GORASP1: variants seen among roughly 807,000 people sequenced by gnomAD.
The protein encoded by GORASP1 is Golgi reassembly-stacking protein 1.
Under a neutral mutation model 37.7 loss-of-function variants are expected in GORASP1, and 31 were observed. That is an observed-to-expected ratio of 0.82 (90% CI 0.62 to 1.11). The LOEUF (loss-of-function observed/expected upper bound fraction) is 1.11. GORASP1 is among the 50% of genes least tolerant of loss of function. The pLI is 0.00. For synonymous variants in GORASP1, 204 were observed against 224.8 expected (o/e 0.91, Z 0.83); for missense variants, 476 against 560.7 (o/e 0.85, Z 1.53).
intron 7 of GORASP1, 131 bp from the exon 8 acceptor site, chr3:39,099,024 C>G: frequency 1.7e-6 from 2 of 1,200,320 alleles, no homozygotes; most frequent in Non-Finnish European, 2.4e-6. Context: ...CCTGGTGATA[C>G]CCCTCACCCA....
In GORASP1 at chr3:39,102,333, G is replaced by A. The variant is rs938690392; in HGVS notation, c.348+345C>T. On this transcript the variant is annotated intron_variant, in intron 3 of 8. Transcript: ENST00000319283. This position sits in a 1 kb window ranked among gnomAD's most constrained non-coding sequence, Gnocchi z 5.0. ...AAACGTTGTCATGCAACACACACAC[G>A]GAGAGACACAGAGAATAATAAAAGC... is the stretch of plus-strand genomic sequence containing the variant. 7 of 411,704 alleles carry A rather than the reference G, an allele frequency of 1.7e-5. No homozygotes were observed. The highest frequency in any genetic ancestry group is 4.0e-5 in the African/African-American group (2 of 49,856). 25.5% of individuals were successfully genotyped at this position (411,704 alleles called of 1,614,324 possible).
At chr3:39,101,436 A>G in intron 3 of GORASP1, 3 of 519,322 alleles carry the variant, frequency 5.8e-6, no homozygotes, top group South Asian at 4.7e-5. Flanking sequence ...CACAATTAAA[A>G]GTAAGATACA....
Position 39,100,987 on chromosome 3 carries a change from TG to T in GORASP1, c.435+28del. On this transcript the variant is annotated intron_variant, in intron 4 of 8. Coordinates refer to ENST00000319283, the MANE Select transcript of GORASP1 (RefSeq NM_031899.4). This position sits in a 1 kb window ranked among gnomAD's most constrained non-coding sequence, Gnocchi z 4.6. ...CTCTTCACACCACATCCAGAGGGTCTGGGGAGGGGCAAATTGCGGGTTCCTC... is the reference window on the plus strand; with the variant it reads ...CTCTTCACACCACATCCAGAGGGTCTGGGAGGGGCAAATTGCGGGTTCCTC... 6.2e-7 allele frequency: 1 copy of T among 1,613,960 alleles called. No individual in the cohort carries two copies. The highest frequency in any genetic ancestry group is 8.5e-7 in the Non-Finnish European group (1 of 1,179,780).
intron 7 of GORASP1, 200 bp from the exon 8 acceptor site, chr3:39,099,093 T>C (rs2035529126): frequency 2.5e-6 from 2 of 807,526 alleles, no homozygotes; most frequent in Non-Finnish European, 4.2e-6. Flanking sequence ...CTGGAGTTGG[T>C]CATCATGTGA....
Position 39,098,482 on chromosome 3 carries a change from A to C in GORASP1, c.1077T>G (p.Ala359=), listed in dbSNP as rs776766637. The change falls in exon 9 of 9, where the codon GCT becomes GCG. Residue 359 remains alanine, a synonymous_variant. Coordinates refer to ENST00000319283, the MANE Select transcript of GORASP1 (RefSeq NM_031899.4). The surrounding 1 kb of genome is among the most constrained non-coding windows in gnomAD (Gnocchi z 4.7). The part of the protein sequence containing the change: ...SSSSHERGGE[A]TWSGSEFEVS... ...CCTCAAACTCTGACCCAGACCATGT[A>C]GCCTCACCTGCAACACAGAAGATCA... The C allele has an allele frequency of 6.2e-7, 1 of 1,613,182 alleles. No homozygotes were observed. Among genetic ancestry groups the C allele is most frequent in the Non-Finnish European group, 8.5e-7 (1 of 1,179,370 alleles).
chr3:39,098,266 G>C lies in GORASP1; in HGVS notation c.1293C>G (p.Asp431Glu). 1 of 1,614,172 alleles carries C rather than the reference G, an allele frequency of 6.2e-7. No homozygotes were observed. The highest frequency in any genetic ancestry group is 8.5e-7 in the Non-Finnish European group (1 of 1,180,032). ...LDTGTEAEGL[D>E]SQAQISTTE ...CTGTGGTAGAGATCTGGGCCTGGCT[G>C]TCCAGCCCCTCAGCCTCCGTCCCAG... Residue 431 changes from aspartate (D) to glutamate (E), a missense_variant, in exon 9 of 9, where the codon GAC becomes GAG. Physicochemically the swap from Asp to Glu is conservative, Grantham distance 45. Coordinates refer to ENST00000319283, the MANE Select transcript of GORASP1 (RefSeq NM_031899.4). The surrounding 1 kb of genome is among the most constrained non-coding windows in gnomAD (Gnocchi z 4.7).
In GORASP1 at chr3:39,098,699, G is replaced by A. The variant is rs745728264; in HGVS notation, c.1069+42C>T. The A allele has an allele frequency of 3.1e-6, 5 of 1,601,736 alleles. No homozygotes were observed. Among genetic ancestry groups the A allele is most frequent in the South Asian group, 1.1e-5 (1 of 89,214 alleles). On this transcript the variant is annotated intron_variant, in intron 8 of 8. Coordinates refer to ENST00000319283, the MANE Select transcript of GORASP1 (RefSeq NM_031899.4). This position sits in a 1 kb window ranked among gnomAD's most constrained non-coding sequence, Gnocchi z 4.7. ...TTGAGGGCAGCCTTCCCAACAACCC[G>A]GGGTCCTTCCCAGAGGACTTCGGAA...
rs147370381 is a variant in GORASP1 at position 39,103,778 on chromosome 3, A to T, written c.64-225T>A. On this transcript the variant is annotated intron_variant, in intron 1 of 8. Transcript: ENST00000319283. This position sits in a 1 kb window ranked among gnomAD's most constrained non-coding sequence, Gnocchi z 5.2. ...TGGCTCCTTCCTGATTATGATCCAC[A>T]GATGCTTTCAGAAATGGCTCACAGC... The T allele has an allele frequency of 7.5e-4, 348 of 465,036 alleles. No individual in the cohort carries two copies. The East Asian group carries it at 0.011, about 15-fold the overall frequency. 28.8% of individuals were successfully genotyped at this position (465,036 alleles called of 1,614,324 possible).
At chr3:39,104,938 T>C (rs9809104) in intron 1 of GORASP1, among the ~76,000 whole-genome samples, 57,236 of 152,120 alleles carry the variant, frequency 0.38, 16,149 homozygotes, top group African/African-American at 0.8. Context: ...TATTCAGGAA[T>C]AGCTTGGGGA....
chr3:39,098,232 G>A lies in GORASP1; in HGVS notation c.*4C>T, dbSNP rs2035454495. 2.5e-6 allele frequency: 4 copies of A among 1,613,440 alleles called. No individual in the cohort carries two copies. The African/African-American group carries it at 4.0e-5, about 16-fold the overall frequency. On this transcript the variant is annotated 3_prime_UTR_variant, in exon 9 of 9. Transcript: ENST00000319283. This position sits in a 1 kb window ranked among gnomAD's most constrained non-coding sequence, Gnocchi z 4.7. The stretch of plus-strand genomic sequence containing the variant: ...CATCATGGGCCTTGTCACAGCCCAG[G>A]GTGTTATTCTGTGGTAGAGATCTGG...
In GORASP1 at chr3:39,098,394, G is replaced by A; in HGVS notation, c.1165C>T (p.Pro389Ser). The change falls in exon 9 of 9, where the codon CCT becomes TCT. Residue 389 changes from proline to serine, a missense_variant. Transcript: ENST00000319283. The surrounding 1 kb of genome is among the most constrained non-coding windows in gnomAD (Gnocchi z 4.7). ...QADHLPQLTL[P>S]DSLTSAASPE... ...GAGGCTGCAGAGGTGAGACTGTCAGGAAGAGTCAGCTGAGGCAGGTGGTCC... is the reference window on the plus strand; with the variant it reads ...GAGGCTGCAGAGGTGAGACTGTCAGAAAGAGTCAGCTGAGGCAGGTGGTCC... 6.2e-7 allele frequency: 1 copy of A among 1,614,160 alleles called. No individual in the cohort carries two copies. The highest frequency in any genetic ancestry group is 2.2e-5 in the East Asian group (1 of 44,870).
In GORASP1 at chr3:39,103,456, C is replaced by T. The variant is rs1345972211; in HGVS notation, c.144+17G>A. ...CACACATAAGCAAGCAAAGCAGAGG[C>T]AGGTTGGGGAACTCACCAGCCTCGA... On this transcript the variant is annotated intron_variant, in intron 2 of 8. Coordinates refer to ENST00000319283, the MANE Select transcript of GORASP1 (RefSeq NM_031899.4). This position sits in a 1 kb window ranked among gnomAD's most constrained non-coding sequence, Gnocchi z 5.2. The T allele has an allele frequency of 6.2e-6, 10 of 1,601,184 alleles. No individual in the cohort carries two copies. The highest frequency in any genetic ancestry group is 2.2e-5 in the East Asian group (1 of 44,788).
At position 39,103,590 on chromosome 3, in the gene GORASP1, C is replaced by G; in HGVS notation, c.64-37G>C. 1 of 1,537,914 alleles carries G rather than the reference C, an allele frequency of 6.5e-7. No homozygotes were observed. The highest frequency in any genetic ancestry group is 2.3e-5 in the East Asian group (1 of 44,308). On this transcript the variant is annotated intron_variant, in intron 1 of 8. Transcript: ENST00000319283. This position sits in a 1 kb window ranked among gnomAD's most constrained non-coding sequence, Gnocchi z 5.2. The stretch of plus-strand genomic sequence containing the variant: ...CAAAGACCACAGTCACTGCGCCAAC[C>G]CTGGGACTCTCCAAGTAGCCCTCTC...
rs1290594191 is a variant in GORASP1 at position 39,098,806 on chromosome 3, G to A, written c.1004C>T (p.Thr335Ile). 6.2e-7 allele frequency: 1 copy of A among 1,614,082 alleles called. No individual in the cohort carries two copies. The highest frequency in any genetic ancestry group is 1.3e-5 in the African/African-American group (1 of 74,938). The change falls in exon 8 of 9, where the codon ACC (threonine) becomes ATC (isoleucine). Residue 335 changes from threonine (T) to isoleucine (I), a missense_variant. Thr to Ile is a moderately conservative substitution (Grantham distance 89, BLOSUM62 -1). Coordinates refer to ENST00000319283, the MANE Select transcript of GORASP1 (RefSeq NM_031899.4). This position sits in a 1 kb window ranked among gnomAD's most constrained non-coding sequence, Gnocchi z 4.7. ...TGGCCCTGAGGTTGAGACAGCTGTGGTGGTCAGTTCTGTGGAAGAGGGCAG... is the reference window on the plus strand; with the variant it reads ...TGGCCCTGAGGTTGAGACAGCTGTGATGGTCAGTTCTGTGGAAGAGGGCAG... ...PSLPSSTELT[T>I]TAVSTSGPED...
intron 3 of GORASP1, 161 bp from the exon 4 acceptor site, chr3:39,101,263 C>A (rs1016376587): frequency 3.0e-6 from 2 of 661,800 alleles, no homozygotes; most frequent in Non-Finnish European, 5.5e-6. Flanking sequence ...CCCCTCCATT[C>A]CCCTATCTCC....
At chr3:39,101,364 TCCAGCTGC>T (rs2035699169) in intron 3 of GORASP1, 2 of 594,956 alleles carry the variant, frequency 3.4e-6, no homozygotes, top group African/African-American at 1.8e-5. Context: ...AACCCCTGGC[TCCAGCTGC>T]CCAGCTATAT....
chr3:39,098,307 T>A lies in GORASP1; in HGVS notation c.1252A>T (p.Thr418Ser). 1 of 1,614,182 alleles carries A rather than the reference T, an allele frequency of 6.2e-7. No individual in the cohort carries two copies. Residue 418 changes from threonine (T) to serine (S), a missense_variant, in exon 9 of 9, where the codon ACA (threonine) becomes TCA (serine). Coordinates refer to ENST00000319283, the MANE Select transcript of GORASP1 (RefSeq NM_031899.4). This position sits in a 1 kb window ranked among gnomAD's most constrained non-coding sequence, Gnocchi z 4.7. ...TCCGTCCCAGTATCTAGGCCCTCTG[T>A]GCTTGCTGGTTCCTCCTCAGCCTGA... ...EAQAEEEPASTEGLDTGTEAE... is the reference protein window; with the variant it reads ...EAQAEEEPASSEGLDTGTEAE...
chr3:39,107,578 C>T lies in GORASP1; in HGVS notation c.-37G>A. On this transcript the variant is annotated 5_prime_UTR_variant, in exon 1 of 9. Transcript: ENST00000319283. ...CGCTCGGCACCCAGGTCCAGTCCCG[C>T]TGCGCCTACCCGGACCGACCCGACG... 6.7e-7 allele frequency: 1 copy of T among 1,482,688 alleles called. No homozygotes were observed. Among genetic ancestry groups the T allele is most frequent in the South Asian group, 1.3e-5 (1 of 76,222 alleles). 91.8% of individuals were successfully genotyped at this position (1,482,688 alleles called of 1,614,324 possible). A position where few individuals can be genotyped will look rare whatever the true frequency, so the allele number is the denominator to read the frequency against.
rs1325196647 is a variant in GORASP1 at position 39,100,372 on chromosome 3, G to T, written c.698C>A (p.Pro233Gln). ...PLGAPPPDAL[P>Q]PGPTPEDSPS... is the part of the protein sequence containing the mutation. ...AGAGTCCTCGGGGGTGGGTCCAGGTGGTAGAGCATCAGGTGGTGGGGCACC... is the reference window on the plus strand; with the variant it reads ...AGAGTCCTCGGGGGTGGGTCCAGGTTGTAGAGCATCAGGTGGTGGGGCACC... The change falls in exon 6 of 9, where the codon CCA (proline) becomes CAA (glutamine). Residue 233 changes from proline to glutamine, a missense_variant. By Grantham distance (76) the Pro-to-Gln change is moderately conservative. Coordinates refer to ENST00000319283, the MANE Select transcript of GORASP1 (RefSeq NM_031899.4). The surrounding 1 kb of genome is among the most constrained non-coding windows in gnomAD (Gnocchi z 4.6). The T allele has an allele frequency of 6.2e-7, 1 of 1,614,182 alleles. No homozygotes were observed. The highest frequency in any genetic ancestry group is 8.5e-7 in the Non-Finnish European group (1 of 1,180,018).
Sources: gnomAD v4.1 joint callset for allele counts (sites outside exome capture counted in the v4.1 genomes callset) on GRCh38, gnomAD v4.1.1 for gene constraint, Gnocchi (gnomAD v3.1) non-coding constraint, MANE v1.5 for transcripts, NCBI Gene and HGNC (gene_info 2026-07-23, HGNC 2026-07-21) for gene names.